The following TRIO variants were observed in gnomAD, a reference collection of about 807,000 sequenced individuals.
The protein encoded by TRIO is triple functional domain protein.
In TRIO, 58 loss-of-function variants were observed where a neutral mutation model predicts 351.9. The ratio of observed to expected loss-of-function variants is 0.16; its 90% confidence interval spans 0.13 to 0.21. TRIO has a LOEUF of 0.21. TRIO is among the 10% of genes least tolerant of loss of function. The pLI is 1.00. For synonymous variants in TRIO, 1,758 were observed against 1,595.7 expected, an observed-to-expected ratio of 1.10 and a Z score of -2.42; for missense variants, 3,201 against 4,027.8, an observed-to-expected ratio of 0.79 and a Z score of 5.56.
In TRIO at chr5:14,223,882, A is replaced by G. The variant is rs1792811236; in HGVS notation, c.158-46943A>G. Among the ~76,000 whole-genome samples, 2 of 152,154 alleles carry G rather than the reference A, an allele frequency of 1.3e-5. 1 individual carries two copies. The highest frequency in any genetic ancestry group is 4.8e-5 in the African/African-American group (2 of 41,430). On this transcript the variant is annotated intron_variant, in intron 1 of 56. Transcript: ENST00000344204. ...ATTGTCTTACTGTTACATTTTACTG[A>G]TATTCAGTGTTTGATATCCCCAAAG...
In TRIO at chr5:14,311,592, G is replaced by A. The variant is rs746444185; in HGVS notation, c.1501-4921G>A. 3.3e-5 allele frequency among the ~76,000 whole-genome samples: 5 copies of A among 152,340 alleles called. No individual in the cohort carries two copies. In the Middle Eastern group the frequency reaches 0.014, roughly 415 times the overall value. On this transcript the variant is annotated intron_variant, in intron 8 of 56. Transcript: ENST00000344204. ...AGAAGGGTTCGATTGTTTGGCCAAG[G>A]AATGTCAACTGTTGCTGCAGAATAA...
chr5:14,507,357 A>T, intron 56 of TRIO, 97 bp downstream of exon 56: 1 of 1,538,010 alleles, frequency 6.5e-7, no homozygotes, highest in Non-Finnish European at 8.7e-7. Flanking sequence ...AGGAGCCCCC[A>T]AGTGACTAGG....
intron 1 of TRIO, among the ~76,000 whole-genome samples, chr5:14,225,649 CAT>C (rs1792943857): frequency 6.6e-6 from 1 of 152,160 alleles, no homozygotes; most frequent in Non-Finnish European, 1.5e-5. Flanking sequence ...GCCAGAAGGT[CAT>C]CTCTCTGACA....
chr5:14,199,019 C>G (rs1044915166), intron 1 of TRIO, among the ~76,000 whole-genome samples: 1 of 151,902 alleles, frequency 6.6e-6, no homozygotes, highest in African/African-American at 2.4e-5. Context: ...GGGCAAATCA[C>G]CTGAGGTCAG....
intron 1 of TRIO, among the ~76,000 whole-genome samples, chr5:14,254,467 G>C (rs1188890876): frequency 6.6e-6 from 1 of 152,226 alleles, no homozygotes; most frequent in East Asian, 1.9e-4. Context: ...ACTGCTTGCT[G>C]CATGGAGGAC....
At chr5:14,501,843 G>T (rs1303555154) in intron 53 of TRIO, among the ~76,000 whole-genome samples, 2 of 152,178 alleles carry the variant, frequency 1.3e-5, no homozygotes, top group Non-Finnish European at 2.9e-5. Flanking sequence ...CCAGGCTCCC[G>T]TGGAGGCCTA....
Position 14,309,718 on chromosome 5 carries a change from C to T in TRIO, c.1500+5126C>T, listed in dbSNP as rs16903382. Among the ~76,000 whole-genome samples, 1,008 of 152,288 alleles carry T rather than the reference C, an allele frequency of 6.6e-3. 12 individuals are homozygous for T. The highest frequency in any genetic ancestry group is 0.023 in the African/African-American group (970 of 41,554). On this transcript the variant is annotated intron_variant, in intron 8 of 56. Transcript: ENST00000344204. ...TGAGGAGGTGTCCATCTCACAGATA[C>T]GGAGCCCCTGCTAAGTGCTAGACAT...
intron 8 of TRIO, 85 bp downstream of exon 8, chr5:14,304,677 G>C: frequency 2.0e-6 from 3 of 1,464,206 alleles, no homozygotes; most frequent in Non-Finnish European, 1.8e-6. Context: ...AAAAGTTTTG[G>C]GTAGCCCAGA....
In TRIO at chr5:14,368,758, A is replaced by G; in HGVS notation, c.2925A>G (p.Leu975=). Reference sequence around the variant, plus strand: ...TGCAGCAGAAGGCAGAAGCCATGCTACAGGCCAACCACTACGACATGGACA... The same window carrying G: ...TGCAGCAGAAGGCAGAAGCCATGCTGCAGGCCAACCACTACGACATGGACA... The part of the protein sequence containing the change: ...LQVQQKAEAM[L]QANHYDMDMI... Residue 975 remains leucine, a synonymous_variant, in exon 17 of 57, where the codon CTA becomes CTG. Transcript: ENST00000344204. 4 of 1,614,142 alleles carry G rather than the reference A, an allele frequency of 2.5e-6. No individual in the cohort carries two copies. The highest frequency in any genetic ancestry group is 4.5e-5 in the East Asian group (2 of 44,844).
chr5:14,317,650 CCATCATTCT>C (rs1739486547), intron 9 of TRIO, among the ~76,000 whole-genome samples: 1 of 152,188 alleles, frequency 6.6e-6, no homozygotes, highest in Non-Finnish European at 1.5e-5. Context: ...ATGTCATTCA[CCATCATTCT>C]CATCATTCTT....
At chr5:14,337,844 C>T (rs1020862211) in intron 11 of TRIO, among the ~76,000 whole-genome samples, 2 of 152,130 alleles carry the variant, frequency 1.3e-5, no homozygotes, top group African/African-American at 4.8e-5. Context: ...ACTGGGACCC[C>T]TGGGGTTTGC....
intron 1 of TRIO, among the ~76,000 whole-genome samples, chr5:14,179,972 G>A (rs938983391): frequency 6.6e-6 from 1 of 151,704 alleles, no homozygotes; most frequent in Non-Finnish European, 1.5e-5. Flanking sequence ...GTGGTGGCAC[G>A]CGCCTATAAT....
intron 11 of TRIO, among the ~76,000 whole-genome samples, chr5:14,338,679 A>G (rs565027903): frequency 6.6e-6 from 1 of 152,294 alleles, no homozygotes; most frequent in South Asian, 2.1e-4. Flanking sequence ...CTGGGCAGGG[A>G]TGTCCAGTCT....
At chr5:14,315,495 C>A (rs1358979807) in intron 8 of TRIO, among the ~76,000 whole-genome samples, 1 of 152,136 alleles carries the variant, frequency 6.6e-6, no homozygotes, top group African/African-American at 2.4e-5. Context: ...TTGTGATCCG[C>A]CTGCCTCGGC....
intron 1 of TRIO, among the ~76,000 whole-genome samples, chr5:14,185,200 T>C (rs1790035406): frequency 6.7e-6 from 1 of 148,668 alleles, no homozygotes; most frequent in South Asian, 2.2e-4. Context: ...TCTTGTTTCT[T>C]CTAAAGGCTA....
At chr5:14,191,079 G>C (rs1790428945) in intron 1 of TRIO, among the ~76,000 whole-genome samples, 1 of 150,882 alleles carries the variant, frequency 6.6e-6, no homozygotes. Context: ...CAGTGGGAGG[G>C]ACATGGGACA....
At chr5:14,177,116 G>A (rs1789452996) in intron 1 of TRIO, among the ~76,000 whole-genome samples, 1 of 152,184 alleles carries the variant, frequency 6.6e-6, no homozygotes, top group South Asian at 2.1e-4. Flanking sequence ...GCACTCATGG[G>A]TTGACAGTGG....
At chr5:14,455,651 C>T (rs1432606173) in intron 34 of TRIO, among the ~76,000 whole-genome samples, 3 of 152,166 alleles carry the variant, frequency 2.0e-5, no homozygotes, top group Non-Finnish European at 2.9e-5. Flanking sequence ...ATTTACAATC[C>T]TTTAACTAAA....
chr5:14,293,761 C>G (rs533136638), intron 6 of TRIO, among the ~76,000 whole-genome samples: 77 of 152,292 alleles, frequency 5.1e-4, no homozygotes, highest in Non-Finnish European at 1.0e-3. Flanking sequence ...AACCAAAACA[C>G]TGAATTTTGA....
Sources: gnomAD v4.1 joint callset for allele counts (sites outside exome capture counted in the v4.1 genomes callset) on GRCh38, gnomAD v4.1.1 for gene constraint, MANE v1.5 for transcripts, NCBI Gene and HGNC (gene_info 2026-07-23, HGNC 2026-07-21) for gene names.